The following ORC5 variants were observed in gnomAD, a reference collection of about 807,000 sequenced individuals.
The protein encoded by ORC5 is origin recognition complex subunit 5.
In ORC5, 39 loss-of-function variants were observed where a neutral mutation model predicts 58.8. The observed-to-expected ratio is 0.66, with a 90% CI of 0.51 to 0.87. The LOEUF (loss-of-function observed/expected upper bound fraction) is 0.87, where lower values mean the gene tolerates loss of function less well. Among genes scored for constraint, ORC5 ranks in the 40% least tolerant of loss-of-function variants. The pLI is 0.00. For synonymous variants in ORC5, 218 were observed against 177.6 expected, an observed-to-expected ratio of 1.23 and a Z score of -1.81; for missense variants, 493 against 506.3, an observed-to-expected ratio of 0.97 and a Z score of 0.25.
intron 11 of ORC5, among the ~76,000 whole-genome samples, chr7:104,163,039 G>A (rs922579311): frequency 5.3e-5 from 8 of 152,222 alleles, no homozygotes; most frequent in African/African-American, 1.9e-4. Flanking sequence ...TTACCTTACA[G>A]AATTCCATTT....
chr7:104,143,001 T>C (rs1798696564), intron 12 of ORC5, among the ~76,000 whole-genome samples: 1 of 152,208 alleles, frequency 6.6e-6, no homozygotes, highest in Non-Finnish European at 1.5e-5. Flanking sequence ...GGAAGATATG[T>C]AGTGAAGAGT....
chr7:104,149,746 G>A (rs1421052737), intron 12 of ORC5, among the ~76,000 whole-genome samples: 1 of 152,040 alleles, frequency 6.6e-6, no homozygotes, highest in East Asian at 1.9e-4. Context: ...GCAGCATTCT[G>A]ACACTGCTTA....
rs144688176 is a variant in ORC5, at chr7:104,197,093, ATTG to A, written c.441+629_441+631del. 2.0e-5 allele frequency among the ~76,000 whole-genome samples: 3 copies of A among 152,298 alleles called. No homozygotes were observed. The East Asian group carries it at 5.8e-4, about 29-fold the overall frequency. ...ATTAATTAGTAACCCTTCGCTTAAT[ATTG>A]TTGATAGGTTCTGGGAAACTGTGAC... On this transcript the variant is annotated intron_variant, in intron 4 of 13. Coordinates refer to ENST00000297431, the MANE Select transcript of ORC5 (RefSeq NM_002553.4).
intron 13 of ORC5, among the ~76,000 whole-genome samples, chr7:104,131,296 G>C (rs1352178265): frequency 6.6e-6 from 1 of 152,056 alleles, no homozygotes; most frequent in East Asian, 1.9e-4. Context: ...TCCAAATTCA[G>C]CTCCATCAGA....
intron 12 of ORC5, among the ~76,000 whole-genome samples, chr7:104,158,663 C>T (rs1044648542): frequency 1.2e-4 from 18 of 151,938 alleles, no homozygotes; most frequent in Middle Eastern, 3.4e-3. Flanking sequence ...AAAAAGTGGG[C>T]GAAGGATATG....
At chr7:104,189,209 A>C (rs1019480725) in intron 5 of ORC5, among the ~76,000 whole-genome samples, 4 of 152,076 alleles carry the variant, frequency 2.6e-5, no homozygotes, top group African/African-American at 7.2e-5. Context: ...TTTACAAAGA[A>C]AAGAGGTTTA....
intron 13 of ORC5, among the ~76,000 whole-genome samples, chr7:104,130,994 A>AT (rs1798504415): frequency 6.6e-6 from 1 of 152,168 alleles, no homozygotes; most frequent in Non-Finnish European, 1.5e-5. Flanking sequence ...TGTGATTTCG[A>AT]TTATAATTCT....
At chr7:104,175,171 T>C (rs1475691219) in intron 8 of ORC5, among the ~76,000 whole-genome samples, 1 of 152,208 alleles carries the variant, frequency 6.6e-6, no homozygotes, top group Non-Finnish European at 1.5e-5. Context: ...AAGAAAAGAA[T>C]TGAGGTTGCT....
At chr7:104,195,069 G>T in intron 5 of ORC5, 74 bp downstream of exon 5, 1 of 707,986 alleles carries the variant, frequency 1.4e-6, no homozygotes. Flanking sequence ...ATTTGAATAT[G>T]CTAGTTTAAT....
chr7:104,171,723 G>A (rs2299409), intron 8 of ORC5, among the ~76,000 whole-genome samples: 59,504 of 151,846 alleles, frequency 0.39, 13,630 homozygotes, highest in Non-Finnish European at 0.53. Context: ...GTGTGGTGGC[G>A]CATGCCTATA....
intron 4 of ORC5, among the ~76,000 whole-genome samples, chr7:104,195,628 C>T (rs1279411111): frequency 2.6e-5 from 4 of 152,136 alleles, no homozygotes; most frequent in African/African-American, 7.2e-5. Flanking sequence ...TGGACTCAAG[C>T]GATCCTCCTG....
At chr7:104,180,191 A>C (rs1006066144) in intron 8 of ORC5, among the ~76,000 whole-genome samples, 1 of 152,228 alleles carries the variant, frequency 6.6e-6, no homozygotes, top group Non-Finnish European at 1.5e-5. Context: ...GTGTCTGATT[A>C]AATTCAAGTA....
chr7:104,144,984 G>C (rs1370291667), intron 12 of ORC5, among the ~76,000 whole-genome samples: 8 of 152,196 alleles, frequency 5.3e-5, no homozygotes, highest in Non-Finnish European at 1.0e-4. Context: ...AAATAAGGGA[G>C]AGGTGGGGCC....
intron 5 of ORC5, among the ~76,000 whole-genome samples, chr7:104,194,463 C>T (rs1348161961): frequency 6.6e-6 from 1 of 151,798 alleles, no homozygotes; most frequent in East Asian, 1.9e-4. Flanking sequence ...AGTCTTAATC[C>T]ACAAAGCTAT....
At position 104,126,800 on chromosome 7, in the gene ORC5, C is replaced by G. The variant is rs775866356; in HGVS notation, c.*48G>C. 1 of 1,429,936 alleles carries G rather than the reference C, an allele frequency of 7.0e-7. No homozygotes were observed. The highest frequency in any genetic ancestry group is 1.2e-5 in the South Asian group (1 of 83,512). The allele number at this position is 1,429,936 out of a possible 1,614,324, so 88.6% of individuals were successfully genotyped here. A position where few individuals can be genotyped will look rare whatever the true frequency, so the allele number is the denominator to read the frequency against. ...CAGCTAAGTAGCTGGATGAACACAG[C>G]TTGGCTTAGTCATTGTCACAGTGTC... On this transcript the variant is annotated 3_prime_UTR_variant, in exon 14 of 14. Transcript: ENST00000297431.
At chr7:104,182,064 CCTAGA>C (rs1232986176) in intron 8 of ORC5, among the ~76,000 whole-genome samples, 18 of 152,134 alleles carry the variant, frequency 1.2e-4, no homozygotes, top group African/African-American at 4.3e-4. Context: ...CAACCTGTAG[CCTAGA>C]CTAGATTCTA....
At chr7:104,186,894 C>A (rs1174443948) in intron 6 of ORC5, among the ~76,000 whole-genome samples, 2 of 152,128 alleles carry the variant, frequency 1.3e-5, no homozygotes, top group Non-Finnish European at 2.9e-5. Context: ...AAAGCTGTAA[C>A]CTCACCCTAA....
chr7:104,141,172 C>T (rs879672181), intron 12 of ORC5, among the ~76,000 whole-genome samples: 4 of 152,114 alleles, frequency 2.6e-5, no homozygotes, highest in Admixed American at 2.0e-4. Context: ...GGATGATCTG[C>T]AAAATAGTCA....
In ORC5 at chr7:104,129,682, G is replaced by A. The variant is rs1798485459; in HGVS notation, c.1263-2789C>T. 6.6e-6 allele frequency among the ~76,000 whole-genome samples: 1 copy of A among 152,150 alleles called. No homozygotes were observed. The highest frequency in any genetic ancestry group is 2.1e-4 in the South Asian group (1 of 4,818). ...AACTTACAAGAGAATTGTGTAATTT[G>A]CATGGATGTTCCCTGGCTTTCCATG... On this transcript the variant is annotated intron_variant, in intron 13 of 13. Transcript: ENST00000297431. This position sits in a 1 kb window ranked among gnomAD's most constrained non-coding sequence, Gnocchi z 4.9.
Sources: gnomAD v4.1 joint callset for allele counts (sites outside exome capture counted in the v4.1 genomes callset) on GRCh38, gnomAD v4.1.1 for gene constraint, Gnocchi (gnomAD v3.1) non-coding constraint, MANE v1.5 for transcripts, NCBI Gene and HGNC (gene_info 2026-07-23, HGNC 2026-07-21) for gene names.